AIG1: variants seen among roughly 807,000 people sequenced by gnomAD.
AIG1 encodes androgen-induced gene 1 protein.
AIG1 carries 23 observed loss-of-function variants against 31.4 expected under a neutral mutation model. That is an observed-to-expected ratio of 0.73 (90% CI 0.53 to 1.04). AIG1 has a LOEUF of 1.04. Ranked by LOEUF, AIG1 falls within the 50% of genes least tolerant of loss-of-function variation. AIG1 has a pLI of 0.00. For synonymous variants in AIG1, 100 were observed against 110.5 expected, an observed-to-expected ratio of 0.90 and a Z score of 0.60; for missense variants, 274 against 295.0, an observed-to-expected ratio of 0.93 and a Z score of 0.52.
chr6:143,093,746 T>A (rs922895299), intron 1 of AIG1, among the ~76,000 whole-genome samples: 2 of 152,160 alleles, frequency 1.3e-5, no homozygotes, highest in Admixed American at 6.5e-5. Flanking sequence ...TGTAGGGATA[T>A]TAATAGGCCC....
At chr6:143,271,566 A>C (rs1796531449) in intron 3 of AIG1, among the ~76,000 whole-genome samples, 1 of 152,204 alleles carries the variant, frequency 6.6e-6, no homozygotes, top group Non-Finnish European at 1.5e-5. Flanking sequence ...AACCATTTGA[A>C]ATCATTGTAT....
chr6:143,226,846 G>T (rs913286905), intron 3 of AIG1, among the ~76,000 whole-genome samples: 6 of 152,016 alleles, frequency 3.9e-5, no homozygotes, highest in Admixed American at 2.6e-4. Context: ...GGCCACCAAG[G>T]ATCTTATTTT....
intron 2 of AIG1, among the ~76,000 whole-genome samples, chr6:143,137,221 T>C (rs1380105100): frequency 6.6e-6 from 1 of 152,224 alleles, no homozygotes; most frequent in Non-Finnish European, 1.5e-5. Flanking sequence ...CTGAGGCCTC[T>C]CTCCCCTTGG....
chr6:143,203,724 G>A (rs1268402854), intron 3 of AIG1, among the ~76,000 whole-genome samples: 3 of 152,156 alleles, frequency 2.0e-5, no homozygotes, highest in African/African-American at 7.2e-5. Flanking sequence ...TCCTTGGTTG[G>A]ATCCATGAGC....
intron 1 of AIG1, among the ~76,000 whole-genome samples, chr6:143,075,547 C>T (rs1468716549): frequency 1.3e-5 from 2 of 152,126 alleles, no homozygotes; most frequent in Non-Finnish European, 2.9e-5. Flanking sequence ...CTCAAGCAAT[C>T]CACCCCACTC....
intron 3 of AIG1, among the ~76,000 whole-genome samples, chr6:143,191,169 A>G (rs1789756638): frequency 6.6e-6 from 1 of 152,192 alleles, no homozygotes; most frequent in South Asian, 2.1e-4. Flanking sequence ...ACCTGAGTTA[A>G]TCTGCATAAT....
intron 2 of AIG1, among the ~76,000 whole-genome samples, chr6:143,143,528 A>AATATATATATATATATATATAT (rs1245695724): frequency 6.5e-4 from 18 of 27,752 alleles, no homozygotes; most frequent in East Asian, 5.1e-3. Context: ...AAAAAAAAAA[A>AATATATATATATATATATATAT]ATATATATAT....
intron 2 of AIG1, among the ~76,000 whole-genome samples, chr6:143,161,476 A>G (rs1480927745): frequency 6.6e-6 from 1 of 151,872 alleles, no homozygotes; most frequent in Non-Finnish European, 1.5e-5. Flanking sequence ...AATAGAGATG[A>G]AAAGAAAATT....
chr6:143,257,515 G>T (rs73594150), intron 3 of AIG1, among the ~76,000 whole-genome samples: 1 of 152,146 alleles, frequency 6.6e-6, no homozygotes, highest in South Asian at 2.1e-4. Context: ...GTGTTTGAAC[G>T]GTTATAGTTA....
intron 1 of AIG1, among the ~76,000 whole-genome samples, chr6:143,131,752 A>C (rs1389279168): frequency 2.0e-5 from 3 of 152,228 alleles, no homozygotes; most frequent in Non-Finnish European, 4.4e-5. Context: ...GTAAGGGCCT[A>C]GCTTGGCCAA....
chr6:143,241,972 A>T (rs1794276383), intron 3 of AIG1, among the ~76,000 whole-genome samples: 1 of 152,216 alleles, frequency 6.6e-6, no homozygotes, highest in Non-Finnish European at 1.5e-5. Flanking sequence ...TATTAGGTGT[A>T]TGTAAATATT....
chr6:143,202,842 T>C (rs1036090065), intron 3 of AIG1, among the ~76,000 whole-genome samples: 1 of 151,990 alleles, frequency 6.6e-6, no homozygotes, highest in African/African-American at 2.4e-5. Context: ...CTAGCGGAGG[T>C]GTCCCAGCAA....
At chr6:143,143,285 A>G (rs1784386248) in intron 2 of AIG1, among the ~76,000 whole-genome samples, 1 of 151,192 alleles carries the variant, frequency 6.6e-6, no homozygotes, top group South Asian at 2.1e-4. Flanking sequence ...TCATGAGGTC[A>G]GGAGATCGAG....
At chr6:143,269,017 C>T (rs1796331280) in intron 3 of AIG1, among the ~76,000 whole-genome samples, 1 of 152,204 alleles carries the variant, frequency 6.6e-6, no homozygotes, top group Admixed American at 6.5e-5. Flanking sequence ...GCAGGGCCTT[C>T]ACAGCTTTGC....
rs533631849 is a variant in AIG1, at chr6:143,119,646, A to G, written c.142-17189A>G. Among the ~76,000 whole-genome samples the G allele has an allele frequency of 6.8e-4, 104 of 152,208 alleles. 2 individuals carry two copies. Among genetic ancestry groups the G allele is most frequent in the Non-Finnish European group, 1.3e-3 (91 of 68,038 alleles). ...TTTGGACTTAGTTTCTAAGGGGCTT[A>G]TCCCTTCTCCACTCAGTGTTTCTGG... On this transcript the variant is annotated intron_variant, in intron 1 of 5. Coordinates refer to ENST00000357847, the MANE Select transcript of AIG1 (RefSeq NM_016108.4).
chr6:143,240,766 A>G (rs1309214658), intron 3 of AIG1, among the ~76,000 whole-genome samples: 3 of 152,254 alleles, frequency 2.0e-5, no homozygotes, highest in Non-Finnish European at 4.4e-5. Flanking sequence ...TTCAGGGCCA[A>G]CATTTTTTAT....
At chr6:143,206,984 TG>T (rs1236819578) in intron 3 of AIG1, among the ~76,000 whole-genome samples, 1 of 152,186 alleles carries the variant, frequency 6.6e-6, no homozygotes, top group Non-Finnish European at 1.5e-5. Context: ...CATTTTTTAA[TG>T]GGCCCTGCAA....
chr6:143,111,604 T>C (rs531703017), intron 1 of AIG1, among the ~76,000 whole-genome samples: 1 of 152,306 alleles, frequency 6.6e-6, no homozygotes, highest in South Asian at 2.1e-4. Context: ...TGAAAGCTTA[T>C]CCTGAAATAT....
At chr6:143,315,482 C>T (rs867872112) in intron 4 of AIG1, among the ~76,000 whole-genome samples, 1 of 151,900 alleles carries the variant, frequency 6.6e-6, no homozygotes, top group East Asian at 1.9e-4. Context: ...ACACATAGAC[C>T]AATGGAACAA....
Sources: gnomAD v4.1 joint callset for allele counts (sites outside exome capture counted in the v4.1 genomes callset) on GRCh38, gnomAD v4.1.1 for gene constraint, MANE v1.5 for transcripts, NCBI Gene and HGNC (gene_info 2026-07-23, HGNC 2026-07-21) for gene names.